LITAFD: variants seen among roughly 807,000 people sequenced by gnomAD.
LITAFD encodes the protein lITAF domain-containing protein.
chr16:8,885,129 T>C (rs1158744904), intron 3 of LITAFD, 58 bp from the exon 4 acceptor site: 2 of 399,138 alleles, frequency 5.0e-6, no homozygotes, highest in Non-Finnish European at 8.8e-6. Flanking sequence ...CCCAGGTGCG[T>C]CCAGCGTACA....
chr16:8,885,054 CAG>C (rs2061559404), intron 3 of LITAFD, 131 bp from the exon 4 acceptor site: 7 of 399,040 alleles, frequency 1.8e-5, no homozygotes, highest in East Asian at 1.1e-4. Flanking sequence ...GCCTGGGATA[CAG>C]AGTGAGACTC....
At chr16:8,885,343 CTA>C, downstream of LITAFD, 1 of 399,028 alleles carries the variant, frequency 2.5e-6, no homozygotes, top group East Asian at 3.6e-5. Context: ...ACACCCGTGT[CTA>C]TGTCCTTACC....
intron 1 of LITAFD, chr16:8,882,914 A>T (rs2141143038): frequency 6.6e-6 from 1 of 152,250 alleles, no homozygotes; most frequent in South Asian, 2.1e-4. Context: ...AAGTTACCGA[A>T]TCTTTCAGAA....
chr16:8,883,614 G>A (rs1307979348), intron 2 of LITAFD, among the ~76,000 whole-genome samples: 1 of 152,146 alleles, frequency 6.6e-6, no homozygotes, highest in Non-Finnish European at 1.5e-5. Context: ...CCACCCCTCA[G>A]GCCACAGAGG....
At chr16:8,883,955 C>T (rs2061553265) in intron 2 of LITAFD, among the ~76,000 whole-genome samples, 2 of 152,206 alleles carry the variant, frequency 1.3e-5, no homozygotes, top group South Asian at 4.1e-4. Context: ...GTCCCAGCTA[C>T]TCAGGAGGCT....
chr16:8,882,384 A>C (rs1450963086), exon 1 of LITAFD: 1 of 152,756 alleles, frequency 6.5e-6, no homozygotes, highest in South Asian at 2.1e-4. Flanking sequence ...CCTCCTGGCA[A>C]CCGGGCCTCC....
rs895232922 is a variant in LITAFD at position 8,884,475 on chromosome 16, C to T, written c.110+10C>T. The T allele has an allele frequency of 7.5e-6, 3 of 398,616 alleles. No homozygotes were observed. Among genetic ancestry groups the T allele is most frequent in the South Asian group, 2.5e-4 (2 of 7,848 alleles). 24.7% of individuals were successfully genotyped at this position (398,616 alleles called of 1,614,324 possible). A position where few individuals can be genotyped will look rare whatever the true frequency, so the allele number is the denominator to read the frequency against. Reference sequence around the variant, plus strand: ...CCCTCTTCCTGTTCGGGTGAGTGGCCGCCCCTCCGCCGCTGCAGAGGCCTG... The same window carrying T: ...CCCTCTTCCTGTTCGGGTGAGTGGCTGCCCCTCCGCCGCTGCAGAGGCCTG... On this transcript the variant is annotated intron_variant, in intron 3 of 3. Coordinates refer to ENST00000636296, the Ensembl canonical transcript of LITAFD.
At chr16:8,882,368 C>T (rs1478927822) in exon 1 of LITAFD, 1 of 152,772 alleles carries the variant, frequency 6.5e-6, no homozygotes, top group African/African-American at 2.4e-5. Context: ...GCCCCAGCTC[C>T]TCACACCTCC....
At chr16:8,885,348 T>A (rs2061561543), downstream of LITAFD, 1 of 398,866 alleles carries the variant, frequency 2.5e-6, no homozygotes, top group Non-Finnish European at 4.4e-6. Context: ...CGTGTCTATG[T>A]CCTTACCTTC....
chr16:8,882,820 A>C (rs2061547530), intron 1 of LITAFD: 1 of 152,322 alleles, frequency 6.6e-6, no homozygotes, highest in South Asian at 2.1e-4. Context: ...GGCCAGAGAC[A>C]ACCGAGGCTG....
intron 2 of LITAFD, 141 bp downstream of exon 2, chr16:8,883,427 C>T (rs143877919): frequency 6.6e-6 from 1 of 152,548 alleles, no homozygotes; most frequent in African/African-American, 2.4e-5. Flanking sequence ...CCCCTGACCC[C>T]GTAGCTGTGG....
intron 3 of LITAFD, among the ~76,000 whole-genome samples, chr16:8,884,694 A>G (rs1180522696): frequency 1.3e-5 from 2 of 152,170 alleles, no homozygotes; most frequent in African/African-American, 4.8e-5. Flanking sequence ...CCTACAAAGC[A>G]GCCAGCTTAG....
intron 2 of LITAFD, among the ~76,000 whole-genome samples, chr16:8,883,987 C>G (rs985779336): frequency 2.6e-5 from 4 of 152,140 alleles, no homozygotes; most frequent in Non-Finnish European, 5.9e-5. Context: ...ATCGCTTGAA[C>G]CCGGGAGGCG....
At position 8,884,365 on chromosome 16, in the gene LITAFD, C is replaced by T. The variant is rs1294916512; in HGVS notation, c.10C>T (p.Gln4Ter). The change falls in exon 3 of 4, where the codon CAG becomes TAG. Residue 4 changes from glutamine (Q) to a stop codon, truncating the protein, a stop_gained. Coordinates refer to ENST00000636296, the Ensembl canonical transcript of LITAFD. LOFTEE classifies it high-confidence loss of function. ...CGTGGTGGGGACGTCCATGCCGGTG[C>T]AGGCCGTGTGTCCCTACTGTGGAAA... is the stretch of plus-strand genomic sequence containing the variant. The T allele has an allele frequency of 1.0e-5, 4 of 399,060 alleles. No individual in the cohort carries two copies. Among genetic ancestry groups the T allele is most frequent in the Non-Finnish European group, 1.8e-5 (4 of 226,164 alleles). 24.7% of individuals were successfully genotyped at this position (399,060 alleles called of 1,614,324 possible).
chr16:8,884,826 T>G (rs2061558027), intron 3 of LITAFD, among the ~76,000 whole-genome samples: 1 of 152,206 alleles, frequency 6.6e-6, no homozygotes, highest in African/African-American at 2.4e-5. Context: ...GACTCATGCC[T>G]GTAATCCCAG....
chr16:8,884,340 C>T (rs1033687884), exon 3 of LITAFD: 8 of 399,132 alleles, frequency 2.0e-5, no homozygotes, highest in East Asian at 1.4e-4. Context: ...CCGGCATGTC[C>T]GTGGTGGGGA....
intron 3 of LITAFD, 62 bp from the exon 4 acceptor site, chr16:8,885,125 T>C (rs764527254): frequency 2.3e-5 from 9 of 399,082 alleles, no homozygotes; most frequent in Non-Finnish European, 3.5e-5. Context: ...GGGTCCCAGG[T>C]GCGTCCAGCG....
At chr16:8,883,036 A>G (rs776104848) in intron 1 of LITAFD, among the ~76,000 whole-genome samples, 174 bp from the exon 2 acceptor site, 1 of 151,878 alleles carries the variant, frequency 6.6e-6, no homozygotes, top group African/African-American at 2.4e-5. Context: ...GGGTTTCACC[A>G]TGTTGGCCAG....
intron 2 of LITAFD, among the ~76,000 whole-genome samples, chr16:8,884,016 G>A (rs1197428855): frequency 3.3e-5 from 5 of 152,162 alleles, no homozygotes; most frequent in Non-Finnish European, 5.9e-5. Flanking sequence ...AGTGAGCTGA[G>A]ATCGCACCAC....
Sources: gnomAD v4.1 joint callset for allele counts (sites outside exome capture counted in the v4.1 genomes callset) on GRCh38, gnomAD v4.1.1 for gene constraint, MANE v1.5 for transcripts, NCBI Gene and HGNC (gene_info 2026-07-23, HGNC 2026-07-21) for gene names.